PCSK5: variants seen among roughly 807,000 people sequenced by gnomAD.
PCSK5 encodes the protein prohormone convertase 5.
Under a neutral mutation model 233.2 loss-of-function variants are expected in PCSK5, and 129 were observed. That is an observed-to-expected ratio of 0.55 (90% CI 0.48 to 0.64). The LOEUF (loss-of-function observed/expected upper bound fraction) is 0.64. Ranked by LOEUF, PCSK5 falls within the 30% of genes least tolerant of loss-of-function variation. PCSK5 has a pLI of 0.00. For missense variants in PCSK5, 2,076 were observed against 2,430.1 expected, an observed-to-expected ratio of 0.85 and a Z score of 3.06; for synonymous variants, 825 against 879.2, an observed-to-expected ratio of 0.94 and a Z score of 1.09.
intron 4 of PCSK5, among the ~76,000 whole-genome samples, chr9:76,025,387 G>T (rs1279932797): frequency 1.4e-5 from 2 of 142,540 alleles, no homozygotes. Flanking sequence ...TCTAATAAAA[G>T]TAAAAAAAAT....
intron 10 of PCSK5, among the ~76,000 whole-genome samples, chr9:76,147,097 C>T (rs1823472174): frequency 6.6e-6 from 1 of 152,140 alleles, no homozygotes; most frequent in South Asian, 2.1e-4. Context: ...GTACACTGAG[C>T]ATGATTTTTC....
chr9:76,326,093 A>G (rs2131468846), intron 32 of PCSK5, among the ~76,000 whole-genome samples: 1 of 152,234 alleles, frequency 6.6e-6, no homozygotes, highest in African/African-American at 2.4e-5. Flanking sequence ...GAGCAATCTC[A>G]GCCGGACACG....
chr9:76,263,282 A>T (rs1161998070), intron 24 of PCSK5, among the ~76,000 whole-genome samples: 1 of 152,234 alleles, frequency 6.6e-6, no homozygotes, highest in Non-Finnish European at 1.5e-5. Context: ...TACTGGGTGT[A>T]TAACCAAAGG....
intron 7 of PCSK5, among the ~76,000 whole-genome samples, chr9:76,082,932 G>A (rs1830904427): frequency 1.3e-5 from 2 of 151,854 alleles, no homozygotes; most frequent in Non-Finnish European, 2.9e-5. Context: ...TTTAAGACCG[G>A]GCACGGTGGC....
intron 13 of PCSK5, among the ~76,000 whole-genome samples, chr9:76,174,224 A>T (rs570906590): frequency 6.6e-6 from 1 of 152,198 alleles, no homozygotes; most frequent in Admixed American, 6.5e-5. Flanking sequence ...TGTTTTCTTA[A>T]TATTGAATGA....
intron 25 of PCSK5, among the ~76,000 whole-genome samples, chr9:76,294,662 T>G (rs577514525): frequency 1.3e-5 from 2 of 151,520 alleles, no homozygotes; most frequent in East Asian, 3.9e-4. Flanking sequence ...ACGAGATTTG[T>G]GGAGATTTAG....
intron 8 of PCSK5, among the ~76,000 whole-genome samples, chr9:76,100,350 A>G (rs529836731): frequency 6.6e-6 from 1 of 152,292 alleles, no homozygotes; most frequent in Non-Finnish European, 1.5e-5. Context: ...ATATATTAAC[A>G]TGTTGAAAAT....
At chr9:76,276,009 G>A (rs1050030711) in intron 24 of PCSK5, among the ~76,000 whole-genome samples, 3 of 152,136 alleles carry the variant, frequency 2.0e-5, no homozygotes, top group Non-Finnish European at 2.9e-5. Flanking sequence ...CTTCTAAGTC[G>A]ACTTCACTGC....
intron 1 of PCSK5, among the ~76,000 whole-genome samples, chr9:75,907,312 A>G (rs1406390151): frequency 6.6e-6 from 1 of 152,178 alleles, no homozygotes; most frequent in Non-Finnish European, 1.5e-5. Flanking sequence ...CAGACATGGA[A>G]CGTACGTAAA....
intron 1 of PCSK5, among the ~76,000 whole-genome samples, chr9:75,916,309 T>A (rs1219932539): frequency 6.6e-6 from 1 of 152,220 alleles, no homozygotes; most frequent in Non-Finnish European, 1.5e-5. Flanking sequence ...TAGTATAAAC[T>A]TGGGTAAATT....
intron 2 of PCSK5, among the ~76,000 whole-genome samples, chr9:75,982,413 C>T (rs1826318813): frequency 6.6e-6 from 1 of 152,154 alleles, no homozygotes; most frequent in Non-Finnish European, 1.5e-5. Flanking sequence ...CGTTTCCATT[C>T]CCCTCACCAT....
At chr9:76,096,388 A>G (rs1008544184) in intron 8 of PCSK5, among the ~76,000 whole-genome samples, 6 of 152,140 alleles carry the variant, frequency 3.9e-5, no homozygotes, top group African/African-American at 1.4e-4. Context: ...TCACATTGTG[A>G]GTTAGTGGCA....
intron 2 of PCSK5, among the ~76,000 whole-genome samples, chr9:75,961,073 A>C (rs1825332965): frequency 6.6e-6 from 1 of 152,248 alleles, no homozygotes; most frequent in Non-Finnish European, 1.5e-5. Context: ...TAATCAAACA[A>C]AAGAGCTGTG....
At chr9:76,223,712 G>A (rs1032390183) in intron 20 of PCSK5, among the ~76,000 whole-genome samples, 2 of 152,310 alleles carry the variant, frequency 1.3e-5, no homozygotes, top group Non-Finnish European at 1.5e-5. Flanking sequence ...AGAAGAGCTT[G>A]TAGGATGAGG....
intron 37 of PCSK5, among the ~76,000 whole-genome samples, chr9:76,358,039 G>C (rs948364818): frequency 6.6e-6 from 1 of 152,228 alleles, no homozygotes; most frequent in African/African-American, 2.4e-5. Context: ...AGAAGAATCA[G>C]TTGATAATGT....
chr9:75,977,618 C>CT (rs1326318760), intron 2 of PCSK5, among the ~76,000 whole-genome samples: 44 of 143,878 alleles, frequency 3.1e-4, no homozygotes, highest in Admixed American at 1.2e-3. Flanking sequence ...GAGTGGGTTT[C>CT]TTTTTTTTTT....
At chr9:76,236,704 T>C (rs1826261860) in intron 22 of PCSK5, among the ~76,000 whole-genome samples, 2 of 152,314 alleles carry the variant, frequency 1.3e-5, no homozygotes, top group South Asian at 4.1e-4. Flanking sequence ...GGCATCTAAG[T>C]GACCTCCCTT....
chr9:76,188,524 C>T (rs1182210081), intron 17 of PCSK5, 54 bp from the exon 18 acceptor site: 19 of 1,111,454 alleles, frequency 1.7e-5, no homozygotes, highest in Non-Finnish European at 2.3e-5. Flanking sequence ...GGAGTCATTA[C>T]GTTTTGGCCT....
chr9:76,128,960 C>T (rs144055388), intron 9 of PCSK5, among the ~76,000 whole-genome samples: 1 of 152,194 alleles, frequency 6.6e-6, no homozygotes, highest in Middle Eastern at 3.2e-3. Flanking sequence ...TACTCCTGCT[C>T]GCAGTGGGAC....
Sources: gnomAD v4.1 joint callset for allele counts (sites outside exome capture counted in the v4.1 genomes callset) on GRCh38, gnomAD v4.1.1 for gene constraint, MANE v1.5 for transcripts, NCBI Gene and HGNC (gene_info 2026-07-23, HGNC 2026-07-21) for gene names.